Variants in AMPH observed in about 807,000 individuals in gnomAD.
AMPH encodes amphiphysin (Stiff-Mann syndrome with breast cancer 128kD autoantigen).
In AMPH, 49 loss-of-function variants were observed where a neutral mutation model predicts 99.1. That is an observed-to-expected ratio of 0.49 (90% confidence interval 0.39 to 0.63). The LOEUF (loss-of-function observed/expected upper bound fraction) is 0.63, where lower values mean the gene tolerates loss of function less well. AMPH is among the 20% of genes least tolerant of loss of function. AMPH has a pLI of 0.00. For missense variants in AMPH, 759 were observed against 863.4 expected, an observed-to-expected ratio of 0.88 and a Z score of 1.52; for synonymous variants, 314 against 317.3, an observed-to-expected ratio of 0.99 and a Z score of 0.11.
intron 15 of AMPH, 91 bp downstream of exon 15, chr7:38,426,863 G>A (rs897437762): frequency 3.2e-5 from 37 of 1,167,676 alleles, no homozygotes; most frequent in African/African-American, 2.0e-4. Flanking sequence ...TAATCATTAC[G>A]CTATACTAGT....
intron 1 of AMPH, among the ~76,000 whole-genome samples, chr7:38,603,011 C>T (rs1285123956): frequency 6.6e-6 from 1 of 152,160 alleles, no homozygotes; most frequent in Non-Finnish European, 1.5e-5. Context: ...ACTGACAACA[C>T]CTGAATCAGG....
intron 13 of AMPH, among the ~76,000 whole-genome samples, chr7:38,431,673 A>G (rs1786034845): frequency 6.6e-6 from 1 of 152,076 alleles, no homozygotes; most frequent in Admixed American, 6.6e-5. Flanking sequence ...AAAAAAAAAA[A>G]AAAGTAATTG....
At chr7:38,472,764 G>A (rs1027864300) in intron 7 of AMPH, among the ~76,000 whole-genome samples, 1 of 152,192 alleles carries the variant, frequency 6.6e-6, no homozygotes, top group South Asian at 2.1e-4. Flanking sequence ...GTGCCAGAGT[G>A]AGACATTAGA....
intron 17 of AMPH, among the ~76,000 whole-genome samples, chr7:38,406,502 G>C (rs1461431616): frequency 6.6e-6 from 1 of 152,102 alleles, no homozygotes; most frequent in East Asian, 1.9e-4. Flanking sequence ...AACTTGACTG[G>C]ATTGAGGGAT....
intron 4 of AMPH, among the ~76,000 whole-genome samples, chr7:38,494,145 G>C (rs1219073332): frequency 6.6e-6 from 1 of 152,098 alleles, no homozygotes; most frequent in Non-Finnish European, 1.5e-5. Context: ...TTTTAGTGGA[G>C]ACGAGGTTTC....
intron 1 of AMPH, among the ~76,000 whole-genome samples, chr7:38,551,740 A>G (rs904459259): frequency 6.6e-6 from 1 of 152,206 alleles, no homozygotes; most frequent in Admixed American, 6.5e-5. Context: ...GGAAAAGAGA[A>G]ACAGAAAGAA....
chr7:38,432,037 A>T lies in AMPH; in HGVS notation c.1158+152T>A, dbSNP rs896330670. On this transcript the variant is annotated intron_variant, in intron 13 of 20. Transcript: ENST00000356264. ...CATCTTCCGGTTCTGATAATGCTCA[A>T]GACTTTCAGTGGCCTAATGATCATT... The T allele has an allele frequency of 6.5e-6, 5 of 767,852 alleles. No individual in the cohort carries two copies. The African/African-American group carries it at 8.5e-5, about 13-fold the overall frequency. The allele number at this position is 767,852 out of a possible 1,614,324, so 47.6% of individuals were successfully genotyped here.
intron 5 of AMPH, among the ~76,000 whole-genome samples, chr7:38,489,995 G>C (rs538760578): frequency 5.4e-3 from 815 of 152,134 alleles, no homozygotes; most frequent in Non-Finnish European, 8.8e-3. Flanking sequence ...AAATAATTTT[G>C]AAAATAATTT....
chr7:38,578,099 C>T (rs1050265124), intron 1 of AMPH, among the ~76,000 whole-genome samples: 3 of 152,170 alleles, frequency 2.0e-5, no homozygotes, highest in Non-Finnish European at 2.9e-5. Context: ...ATAGGTGATG[C>T]CCTTCCAGTA....
chr7:38,617,093 A>T, intron 1 of AMPH, among the ~76,000 whole-genome samples: 1 of 152,254 alleles, frequency 6.6e-6, no homozygotes, highest in Non-Finnish European at 1.5e-5. Context: ...TACTTACTAC[A>T]TGTATTTCAT....
intron 7 of AMPH, among the ~76,000 whole-genome samples, chr7:38,472,632 T>C (rs1787926520): frequency 6.6e-6 from 1 of 152,194 alleles, no homozygotes; most frequent in African/African-American, 2.4e-5. Context: ...ACAATTATTA[T>C]GGTTGAGTAA....
At chr7:38,621,603 T>C (rs1043775083) in intron 1 of AMPH, among the ~76,000 whole-genome samples, 9 of 152,148 alleles carry the variant, frequency 5.9e-5, no homozygotes, top group Admixed American at 2.0e-4. Context: ...CACGTAAAGA[T>C]AGGGAAAAAT....
intron 1 of AMPH, among the ~76,000 whole-genome samples, chr7:38,575,627 T>A (rs1792210971): frequency 1.3e-5 from 2 of 152,222 alleles, no homozygotes; most frequent in South Asian, 2.1e-4. Context: ...AAGAAGGACA[T>A]GTTTACTTCC....
intron 15 of AMPH, among the ~76,000 whole-genome samples, chr7:38,423,294 A>T (rs1226356496): frequency 6.6e-6 from 1 of 152,248 alleles, no homozygotes; most frequent in Non-Finnish European, 1.5e-5. Flanking sequence ...CTAAAGGAAA[A>T]GTAATCTCTA....
intron 15 of AMPH, among the ~76,000 whole-genome samples, chr7:38,422,905 C>T (rs1785642312): frequency 6.6e-6 from 1 of 152,212 alleles, no homozygotes; most frequent in African/African-American, 2.4e-5. Context: ...CAGGTGGGAG[C>T]CACCATGCCT....
chr7:38,472,335 T>C (rs1787916413), intron 7 of AMPH, among the ~76,000 whole-genome samples: 1 of 152,134 alleles, frequency 6.6e-6, no homozygotes, highest in African/African-American at 2.4e-5. Flanking sequence ...TATGACTAAA[T>C]GCAATCTCAT....
intron 18 of AMPH, among the ~76,000 whole-genome samples, chr7:38,393,056 C>G (rs1784561177): frequency 6.6e-6 from 1 of 152,150 alleles, no homozygotes; most frequent in Non-Finnish European, 1.5e-5. Context: ...CAGACTAGAG[C>G]ACTAACATTC....
chr7:38,531,277 G>C (rs1483257001), intron 2 of AMPH: 1 of 152,234 alleles, frequency 6.6e-6, no homozygotes, highest in Non-Finnish European at 1.5e-5. Flanking sequence ...CTGGGCTCAA[G>C]TGATCCTCCA....
Position 38,631,152 on chromosome 7 carries a change from T to TCCCTGG in AMPH, c.69+125_69+130dup, listed in dbSNP as rs535521672. 6,982 of 794,634 alleles carry TCCCTGG rather than the reference T, an allele frequency of 8.8e-3. 138 individuals are homozygous for TCCCTGG. Among genetic ancestry groups the TCCCTGG allele is most frequent in the Admixed American group, 0.032 (635 of 20,070 alleles). The allele number at this position is 794,634 out of a possible 1,614,324, so 49.2% of individuals were successfully genotyped here. A position where few individuals can be genotyped will look rare whatever the true frequency, so the allele number is the denominator to read the frequency against. ...GAGCTGAGGGCAGGGCGTCCCAGCG[T>TCCCTGG]CCCTGGCCCCGGCCCCGCTCCGCAG... On this transcript the variant is annotated intron_variant, in intron 1 of 20. Coordinates refer to ENST00000356264, the MANE Select transcript of AMPH (RefSeq NM_001635.4).
Sources: allele counts gnomAD v4.1 joint callset (sites outside exome capture counted in the v4.1 genomes callset), GRCh38; gene constraint gnomAD v4.1.1; transcripts MANE v1.5; gene names NCBI Gene and HGNC (gene_info 2026-07-23, HGNC 2026-07-21).